Variants in KSR2 observed in about 807,000 individuals in gnomAD.
The protein encoded by KSR2 is kinase suppressor of ras 2.
A neutral mutation model predicts 107.8 loss-of-function variants in KSR2; 25 were observed. The ratio of observed to expected loss-of-function variants is 0.23; its 90% CI spans 0.17 to 0.32. The LOEUF is 0.32. Ranked by LOEUF, KSR2 falls within the 10% of genes least tolerant of loss-of-function variation. KSR2 has a pLI of 1.00. For synonymous variants in KSR2, 480 were observed against 507.0 expected, an observed-to-expected ratio of 0.95 and a Z score of 0.71; for missense variants, 887 against 1,268.9, an observed-to-expected ratio of 0.70 and a Z score of 4.57.
Position 117,942,889 on chromosome 12 carries a change from T to C in KSR2, c.180+25187A>G, listed in dbSNP as rs749066117. Among the ~76,000 whole-genome samples the C allele has an allele frequency of 2.0e-5, 3 of 152,186 alleles. No homozygotes were observed. The East Asian group carries it at 5.8e-4, about 29-fold the overall frequency. ...GGCTGTGTTTATGAGAGCGAAAAAC[T>C]AGAAATAATCTAAGTCACTAAAGGG... On this transcript the variant is annotated intron_variant, in intron 1 of 19. Transcript: ENST00000339824.
intron 1 of KSR2, among the ~76,000 whole-genome samples, chr12:117,916,678 T>A (rs1375617513): frequency 6.6e-6 from 1 of 152,104 alleles, no homozygotes; most frequent in African/African-American, 2.4e-5. Context: ...GCCAATGAAG[T>A]CACTCCTACC....
At position 117,677,020 on chromosome 12, in the gene KSR2, C is replaced by T. The variant is rs547692911; in HGVS notation, c.987-9362G>A. 9.2e-5 allele frequency among the ~76,000 whole-genome samples: 14 copies of T among 152,238 alleles called. No individual in the cohort carries two copies. The South Asian group carries it at 2.3e-3, about 25-fold the overall frequency. On this transcript the variant is annotated intron_variant, in intron 4 of 19. Coordinates refer to ENST00000339824, the MANE Select transcript of KSR2 (RefSeq NM_173598.6). ...ACAAGTGGAGAAGGGTGTCCATCAT[C>T]GGGATAAGGTGATGATGCCAGGCCT...
At chr12:117,698,281 C>T (rs916122743) in intron 4 of KSR2, among the ~76,000 whole-genome samples, 6 of 152,030 alleles carry the variant, frequency 3.9e-5, no homozygotes, top group Non-Finnish European at 8.8e-5. Flanking sequence ...TAGTTGAACT[C>T]CCGAGACGTC....
At chr12:117,781,365 C>G (rs1388692341) in intron 3 of KSR2, among the ~76,000 whole-genome samples, 1 of 152,078 alleles carries the variant, frequency 6.6e-6, no homozygotes, top group Non-Finnish European at 1.5e-5. Flanking sequence ...GAAAGAGGGA[C>G]AAGTGTCCCA....
At chr12:117,742,493 G>C (rs934216595) in intron 4 of KSR2, among the ~76,000 whole-genome samples, 6 of 147,694 alleles carry the variant, frequency 4.1e-5, no homozygotes, top group Non-Finnish European at 6.0e-5. Context: ...GAAAACATAT[G>C]GATGGATGGA....
intron 5 of KSR2, among the ~76,000 whole-genome samples, chr12:117,612,134 G>A (rs1394547166): frequency 4.6e-5 from 7 of 152,184 alleles, no homozygotes; most frequent in African/African-American, 1.7e-4. Flanking sequence ...TCCAGGCGCA[G>A]TGGCTCACGC....
intron 14 of KSR2, among the ~76,000 whole-genome samples, chr12:117,502,882 A>G (rs1396433551): frequency 6.6e-6 from 1 of 152,176 alleles, no homozygotes; most frequent in Non-Finnish European, 1.5e-5. Context: ...AACAAAGAAC[A>G]TTTGTGTTCT....
intron 1 of KSR2, among the ~76,000 whole-genome samples, chr12:117,960,256 G>A (rs1229840158): frequency 6.6e-6 from 1 of 152,034 alleles, no homozygotes; most frequent in Non-Finnish European, 1.5e-5. Flanking sequence ...TTTTGTTTTG[G>A]TTGATTTTCA....
chr12:117,609,233 G>A (rs1015226071), intron 5 of KSR2, among the ~76,000 whole-genome samples: 2 of 152,160 alleles, frequency 1.3e-5, no homozygotes, highest in African/African-American at 4.8e-5. Flanking sequence ...ACCTCTCTGG[G>A]CCTCAAGTTT....
intron 2 of KSR2, 51 bp downstream of exon 2, chr12:117,860,240 G>A (rs917964437): frequency 1.1e-5 from 18 of 1,573,626 alleles, no homozygotes; most frequent in Non-Finnish European, 1.4e-5. Context: ...CAACACAGGG[G>A]GTAGCTGCTG....
intron 3 of KSR2, among the ~76,000 whole-genome samples, chr12:117,847,910 C>A (rs77540395): frequency 0.053 from 8,025 of 152,210 alleles, 240 homozygotes; most frequent in Non-Finnish European, 0.069. Context: ...CCCTGGAACC[C>A]AACACTGTGT....
At chr12:117,872,887 G>C (rs536351580) in intron 1 of KSR2, among the ~76,000 whole-genome samples, 2 of 152,156 alleles carry the variant, frequency 1.3e-5, no homozygotes, top group Non-Finnish European at 2.9e-5. Context: ...TTTCCAAGCA[G>C]CTTCCAAAGC....
intron 3 of KSR2, among the ~76,000 whole-genome samples, chr12:117,806,400 C>T (rs1375344116): frequency 3.9e-5 from 6 of 152,260 alleles, no homozygotes; most frequent in Non-Finnish European, 5.9e-5. Context: ...CAACCAGGAG[C>T]GAGACTCATG....
intron 3 of KSR2, among the ~76,000 whole-genome samples, chr12:117,803,633 G>A (rs1455241623): frequency 6.6e-6 from 1 of 152,108 alleles, no homozygotes; most frequent in Non-Finnish European, 1.5e-5. Flanking sequence ...AACCCGGGAG[G>A]CGGAGCTTGC....
At chr12:117,738,384 G>C (rs1888026313) in intron 4 of KSR2, among the ~76,000 whole-genome samples, 1 of 152,172 alleles carries the variant, frequency 6.6e-6, no homozygotes, top group Admixed American at 6.5e-5. Context: ...ACATCATAGA[G>C]TGTACTGACA....
intron 3 of KSR2, among the ~76,000 whole-genome samples, chr12:117,816,934 T>C (rs760876118): frequency 8.5e-5 from 13 of 152,186 alleles, no homozygotes; most frequent in Non-Finnish European, 1.6e-4. Context: ...TGGATTCCCA[T>C]GTGATTCCAT....
chr12:117,527,685 C>T (rs565257021), intron 12 of KSR2, among the ~76,000 whole-genome samples: 1 of 152,172 alleles, frequency 6.6e-6, no homozygotes, highest in Non-Finnish European at 1.5e-5. Context: ...AGAATTGAAA[C>T]TGGCACGGCT....
chr12:117,893,052 C>G (rs978252625), intron 1 of KSR2, among the ~76,000 whole-genome samples: 3 of 147,916 alleles, frequency 2.0e-5, no homozygotes, highest in Non-Finnish European at 4.5e-5. Flanking sequence ...GGGTCTTACT[C>G]TGTCACCCAG....
intron 3 of KSR2, among the ~76,000 whole-genome samples, chr12:117,788,892 A>G (rs753431305): frequency 6.6e-6 from 1 of 152,194 alleles, no homozygotes; most frequent in Non-Finnish European, 1.5e-5. Context: ...TTCTCTCTCC[A>G]TTAAAAAGGA....
Sources: allele counts gnomAD v4.1 joint callset (sites outside exome capture counted in the v4.1 genomes callset), GRCh38; gene constraint gnomAD v4.1.1; transcripts MANE v1.5; gene names NCBI Gene and HGNC (gene_info 2026-07-23, HGNC 2026-07-21).